The following RSRC1 variants were observed in gnomAD, a reference collection of about 807,000 sequenced individuals.
RSRC1 encodes the protein serine/Arginine-related protein 53.
In RSRC1, 39 loss-of-function variants were observed where a neutral mutation model predicts 49.1. The observed-to-expected ratio is 0.79, with a 90% CI of 0.61 to 1.04. The LOEUF (loss-of-function observed/expected upper bound fraction) is 1.04. RSRC1 is among the 50% of genes least tolerant of loss of function. The pLI is 0.00. For missense variants in RSRC1, 388 were observed against 402.4 expected (o/e 0.96, Z 0.31); for synonymous variants, 143 against 130.8 (o/e 1.09, Z -0.63).
chr3:158,258,206 ACCT>A (rs1209842451), intron 4 of RSRC1, among the ~76,000 whole-genome samples: 2 of 71,080 alleles, frequency 2.8e-5, no homozygotes, highest in Non-Finnish European at 5.7e-5. Flanking sequence ...ACTCCTTTTA[ACCT>A]TTTTTTTTTT....
intron 4 of RSRC1, among the ~76,000 whole-genome samples, chr3:158,252,400 T>C (rs1242556061): frequency 6.6e-6 from 1 of 151,726 alleles, no homozygotes; most frequent in Non-Finnish European, 1.5e-5. Context: ...CTCCTGACCT[T>C]GTGATCTGCC....
intron 5 of RSRC1, among the ~76,000 whole-genome samples, chr3:158,350,412 G>T (rs1422227648): frequency 1.3e-5 from 2 of 151,900 alleles, no homozygotes; most frequent in African/African-American, 2.4e-5. Context: ...GAGCTCAAGC[G>T]ATCTGCCCGC....
At chr3:158,466,111 A>G (rs1185153200) in intron 7 of RSRC1, among the ~76,000 whole-genome samples, 1 of 152,158 alleles carries the variant, frequency 6.6e-6, no homozygotes, top group Non-Finnish European at 1.5e-5. Context: ...ATTACATAGC[A>G]TCAACCTGTT....
At chr3:158,202,962 G>A (rs1231323383) in intron 3 of RSRC1, 110 bp from the exon 4 acceptor site, 1 of 739,974 alleles carries the variant, frequency 1.4e-6, no homozygotes, top group Non-Finnish European at 2.1e-6. Flanking sequence ...ATTTATTTCT[G>A]AGTCCACAAC....
chr3:158,491,654 T>C (rs1373305055), intron 7 of RSRC1, among the ~76,000 whole-genome samples: 1 of 152,232 alleles, frequency 6.6e-6, no homozygotes, highest in Non-Finnish European at 1.5e-5. Context: ...TGTTTAACAA[T>C]TTAATATTTA....
intron 3 of RSRC1, among the ~76,000 whole-genome samples, chr3:158,136,086 A>T (rs1716353669): frequency 6.6e-6 from 1 of 152,138 alleles, no homozygotes; most frequent in Non-Finnish European, 1.5e-5. Context: ...CTTAATTTGC[A>T]TTTCTACCAT....
intron 4 of RSRC1, among the ~76,000 whole-genome samples, chr3:158,287,727 A>T (rs928431459): frequency 2.0e-5 from 3 of 152,246 alleles, no homozygotes; most frequent in Non-Finnish European, 4.4e-5. Flanking sequence ...TCCCATTTTT[A>T]TAAGAAAAAT....
chr3:158,110,453 C>T (rs1325527579), intron 1 of RSRC1: 2 of 152,614 alleles, frequency 1.3e-5, no homozygotes, highest in South Asian at 2.1e-4. Flanking sequence ...GGTGGGTGGC[C>T]GCAGGCCTCA....
intron 7 of RSRC1, among the ~76,000 whole-genome samples, chr3:158,514,311 G>A (rs1005803890): frequency 6.6e-6 from 1 of 152,170 alleles, no homozygotes; most frequent in Non-Finnish European, 1.5e-5. Context: ...ATTGTGGTAT[G>A]TTGTGTCTTT....
chr3:158,542,499 C>T (rs981453414), intron 8 of RSRC1, among the ~76,000 whole-genome samples: 1 of 152,188 alleles, frequency 6.6e-6, no homozygotes, highest in African/African-American at 2.4e-5. Context: ...TGTGCCACTG[C>T]ACTCCCACCT....
At chr3:158,208,326 T>C (rs1721461419) in intron 4 of RSRC1, among the ~76,000 whole-genome samples, 1 of 152,160 alleles carries the variant, frequency 6.6e-6, no homozygotes, top group African/African-American at 2.4e-5. Context: ...GAGTAAAGAA[T>C]GGCTACTCCG....
At chr3:158,404,539 G>A (rs73874397) in intron 6 of RSRC1, among the ~76,000 whole-genome samples, 11,083 of 151,810 alleles carry the variant, frequency 0.073, 477 homozygotes, top group South Asian at 0.13. Flanking sequence ...ACTTCTCAGG[G>A]TTATAATAAA....
intron 7 of RSRC1, among the ~76,000 whole-genome samples, chr3:158,533,157 A>G (rs1712497878): frequency 6.6e-6 from 1 of 151,756 alleles, no homozygotes; most frequent in South Asian, 2.1e-4. Flanking sequence ...TTTTATGTCT[A>G]TTTTCATACA....
intron 6 of RSRC1, among the ~76,000 whole-genome samples, chr3:158,361,008 G>T (rs901708176): frequency 6.6e-6 from 1 of 152,192 alleles, no homozygotes; most frequent in African/African-American, 2.4e-5. Flanking sequence ...AGATGTCTCC[G>T]CAAGCTCCCC....
intron 7 of RSRC1, among the ~76,000 whole-genome samples, chr3:158,530,939 A>G (rs1481178090): frequency 1.3e-5 from 2 of 150,080 alleles, no homozygotes; most frequent in Non-Finnish European, 3.0e-5. Context: ...CTTAAAAAAA[A>G]AAAAAAAACT....
rs148142090 is a variant in RSRC1 at position 158,330,912 on chromosome 3, G to A, written c.532-23945G>A. On this transcript the variant is annotated intron_variant, in intron 5 of 9. Coordinates refer to ENST00000611884, the MANE Select transcript of RSRC1 (RefSeq NM_001271838.2). ...TTAAAAAAAAAAAAAAAGGTTTAAT[G>A]GACTCACAGCTCCATGTGGCTGGGG... Among the ~76,000 whole-genome samples, 1,300 of 151,836 alleles carry A rather than the reference G, an allele frequency of 8.6e-3. 12 individuals are homozygous for A. The highest frequency in any genetic ancestry group is 0.012 in the Non-Finnish European group (819 of 67,952).
chr3:158,443,022 A>G (rs1736468436), intron 6 of RSRC1, among the ~76,000 whole-genome samples: 1 of 152,130 alleles, frequency 6.6e-6, no homozygotes, highest in Non-Finnish European at 1.5e-5. Flanking sequence ...TGGGCTTCAA[A>G]TAATCATAAA....
intron 5 of RSRC1, among the ~76,000 whole-genome samples, chr3:158,308,138 C>T (rs1727939934): frequency 6.6e-6 from 1 of 151,824 alleles, no homozygotes. Context: ...CACAGATTAC[C>T]TAAATGATCA....
At chr3:158,302,730 TG>T (rs1408064735) in intron 5 of RSRC1, 1 of 141,114 alleles carries the variant, frequency 7.1e-6, no homozygotes, top group Non-Finnish European at 1.5e-5. Context: ...GGTGCAATCT[TG>T]GCTCACTGCA....
Sources: gnomAD v4.1 joint callset for allele counts (sites outside exome capture counted in the v4.1 genomes callset) on GRCh38, gnomAD v4.1.1 for gene constraint, MANE v1.5 for transcripts, NCBI Gene and HGNC (gene_info 2026-07-23, HGNC 2026-07-21) for gene names.